CCDC158: variants seen among roughly 807,000 people sequenced by gnomAD.
The protein encoded by CCDC158 is coiled-coil domain-containing protein 158.
A neutral mutation model predicts 138.6 loss-of-function variants in CCDC158; 116 were observed. That is an observed-to-expected ratio of 0.84 (90% CI 0.72 to 0.98). The LOEUF (loss-of-function observed/expected upper bound fraction) is 0.98, where lower values mean the gene tolerates loss of function less well. CCDC158 is among the 50% of genes least tolerant of loss of function. The pLI is 0.00. For synonymous variants in CCDC158, 436 were observed against 442.4 expected (o/e 0.99, Z 0.18); for missense variants, 1,265 against 1,306.1 (o/e 0.97, Z 0.48).
chr4:76,328,273 A>G (rs972756215), intron 22 of CCDC158, among the ~76,000 whole-genome samples: 1 of 152,208 alleles, frequency 6.6e-6, no homozygotes, highest in Non-Finnish European at 1.5e-5. Context: ...AGCACCTGCT[A>G]TGTGCCAGGA....
rs1720439053 is a variant in CCDC158, at chr4:76,325,509, CTGAA to C, written c.3169+344_3169+347del. On this transcript the variant is annotated intron_variant, in intron 23 of 24. Transcript: ENST00000682701. ...GCACTTATACTCACTAAGGCAGAGA[CTGAA>C]TAAGAGCTATGATTTCAAAGAATGT... Among the ~76,000 whole-genome samples the C allele has an allele frequency of 2.0e-5, 3 of 152,074 alleles. No individual in the cohort carries two copies. The South Asian group carries it at 6.2e-4, about 32-fold the overall frequency.
At chr4:76,314,505 GAA>G (rs1560771228) in intron 24 of CCDC158, among the ~76,000 whole-genome samples, 1 of 152,072 alleles carries the variant, frequency 6.6e-6, no homozygotes, top group Non-Finnish European at 1.5e-5. Flanking sequence ...CAGATACTTT[GAA>G]AAAAGTGGCA....
At chr4:76,408,958 T>C (rs1027823150) in intron 2 of CCDC158, among the ~76,000 whole-genome samples, 17 of 152,230 alleles carry the variant, frequency 1.1e-4, no homozygotes, top group Admixed American at 3.3e-4. Context: ...TTTTTTCACG[T>C]GTCTTTTGGC....
At chr4:76,396,226 G>T in intron 4 of CCDC158, 43 bp downstream of exon 4, 2 of 1,399,376 alleles carry the variant, frequency 1.4e-6, no homozygotes, top group South Asian at 1.2e-5. Context: ...TCTCACTGTT[G>T]TCCCCCAAAT....
chr4:76,389,426 GA>G (rs1727109418), intron 4 of CCDC158, among the ~76,000 whole-genome samples: 1 of 151,670 alleles, frequency 6.6e-6, no homozygotes, highest in African/African-American at 2.4e-5. Context: ...GGAAACAAAA[GA>G]AAAAAGAAAA....
At position 76,332,431 on chromosome 4, in the gene CCDC158, C is replaced by T. The variant is rs149931907; in HGVS notation, c.2882+1G>A. 4.2e-5 allele frequency: 67 copies of T among 1,607,144 alleles called. No homozygotes were observed. The African/African-American group carries it at 6.7e-4, about 16-fold the overall frequency. Reference sequence around the variant, plus strand: ...GATTCAGAATCTCAGATTCTTCTTACCTATGGCACATGTCTGATCTCAGGC... The same window carrying T: ...GATTCAGAATCTCAGATTCTTCTTATCTATGGCACATGTCTGATCTCAGGC... On this transcript the variant is annotated splice_donor_variant, in intron 20 of 24. Coordinates refer to ENST00000682701, the MANE Select transcript of CCDC158 (RefSeq NM_001394954.1). LOFTEE classifies it high-confidence loss of function.
At chr4:76,407,090 G>C (rs1353975327) in intron 2 of CCDC158, 1 of 152,012 alleles carries the variant, frequency 6.6e-6, no homozygotes, top group East Asian at 1.9e-4. Flanking sequence ...GATGGGAAGA[G>C]GAAGATCATG....
At chr4:76,349,029 C>T (rs964954700) in intron 18 of CCDC158, among the ~76,000 whole-genome samples, 12 of 152,120 alleles carry the variant, frequency 7.9e-5, no homozygotes, top group African/African-American at 2.9e-4. Flanking sequence ...AACTGTTATA[C>T]ACCAAACCAA....
chr4:76,402,603 A>C (rs968235885), intron 3 of CCDC158, among the ~76,000 whole-genome samples: 2 of 143,724 alleles, frequency 1.4e-5, no homozygotes, highest in African/African-American at 5.0e-5. Flanking sequence ...TCCTTGTATT[A>C]AATTCCAACT....
At chr4:76,369,391 T>C (rs1334334568) in intron 11 of CCDC158, 35 bp downstream of exon 11, 3 of 1,598,452 alleles carry the variant, frequency 1.9e-6, no homozygotes, top group Non-Finnish European at 2.6e-6. Context: ...CAGAGGAGAT[T>C]GTTTGGCGAT....
intron 18 of CCDC158, among the ~76,000 whole-genome samples, chr4:76,349,177 A>G (rs1216090756): frequency 6.6e-6 from 1 of 152,240 alleles, no homozygotes; most frequent in African/African-American, 2.4e-5. Context: ...TATGAGATAA[A>G]TATTTATTGA....
In CCDC158 at chr4:76,325,956, G is replaced by C; in HGVS notation, c.3070C>G (p.Pro1024Ala). ...GAACTAGTTAGGAGTGAGTGCACTG[G>C]AGACTTCTTAGGAGAAGAATTGAAT... is the stretch of plus-strand genomic sequence containing the variant. Reference protein sequence around the residue: ...RSFNSSPKKSPVHSLLTSSVE... With the variant: ...RSFNSSPKKSAVHSLLTSSVE... The change falls in exon 23 of 25, where the codon CCA (proline) becomes GCA (alanine). Residue 1024 changes from proline to alanine, a missense_variant. Coordinates refer to ENST00000682701, the MANE Select transcript of CCDC158 (RefSeq NM_001394954.1). The C allele has an allele frequency of 6.2e-7, 1 of 1,613,594 alleles. No individual in the cohort carries two copies. The highest frequency in any genetic ancestry group is 8.5e-7 in the Non-Finnish European group (1 of 1,179,588).
In CCDC158 at chr4:76,385,663, T is replaced by G. The variant is rs76972026; in HGVS notation, c.289-998A>C. On this transcript the variant is annotated intron_variant, in intron 4 of 24. Coordinates refer to ENST00000682701, the MANE Select transcript of CCDC158 (RefSeq NM_001394954.1). Reference sequence around the variant, plus strand: ...GAAAATATGTTTCCAACAGGAACTTTGGAAAGACAGAACTGAAAAAACAGA... The same window carrying G: ...GAAAATATGTTTCCAACAGGAACTTGGGAAAGACAGAACTGAAAAAACAGA... 2.5e-3 allele frequency among the ~76,000 whole-genome samples: 378 copies of G among 152,172 alleles called. 1 individual carries two copies. The highest frequency in any genetic ancestry group is 8.7e-3 in the African/African-American group (361 of 41,520).
intron 11 of CCDC158, 113 bp from the exon 12 acceptor site, chr4:76,367,889 A>T: frequency 1.0e-6 from 1 of 978,590 alleles, no homozygotes. Context: ...AATGTTTAGT[A>T]AGATCTTTTT....
At chr4:76,388,251 C>T (rs9654174) in intron 4 of CCDC158, among the ~76,000 whole-genome samples, 2 of 152,034 alleles carry the variant, frequency 1.3e-5, no homozygotes, top group Non-Finnish European at 2.9e-5. Context: ...CAGCCACAGT[C>T]GGGTAGAGCA....
At chr4:76,389,615 T>A (rs1347519355) in intron 4 of CCDC158, among the ~76,000 whole-genome samples, 6 of 152,124 alleles carry the variant, frequency 3.9e-5, no homozygotes, top group African/African-American at 1.4e-4. Flanking sequence ...ACAAGAAGGT[T>A]ACAGAACATC....
At chr4:76,382,549 A>T in intron 8 of CCDC158, 61 bp downstream of exon 8, 1 of 1,033,916 alleles carries the variant, frequency 9.7e-7, no homozygotes, top group East Asian at 2.4e-5. Flanking sequence ...TAGAACAGAA[A>T]GTTAATGAGA....
In CCDC158 at chr4:76,384,142, T is replaced by A. The variant is rs755357457; in HGVS notation, c.672A>T (p.Lys224Asn). Residue 224 changes from lysine (K) to asparagine (N), a missense_variant, in exon 6 of 25, where the codon AAA (lysine) becomes AAT (asparagine). Transcript: ENST00000682701. ...HFRSLGSAIS[K>N]ILRELDTEIS... The stretch of plus-strand genomic sequence containing the variant: ...TCTCTGTGTCTAATTCTCTTAGTAT[T>A]TTACTAATAGCTGAGCCCAAGCTGC... The A allele has an allele frequency of 1.9e-5, 31 of 1,613,888 alleles. No individual in the cohort carries two copies. The highest frequency in any genetic ancestry group is 2.5e-5 in the Non-Finnish European group (30 of 1,179,898).
intron 18 of CCDC158, among the ~76,000 whole-genome samples, chr4:76,344,301 T>A (rs1381704293): frequency 6.6e-6 from 1 of 152,184 alleles, no homozygotes; most frequent in Non-Finnish European, 1.5e-5. Flanking sequence ...TAACAAGGGA[T>A]GTGAGGGACC....
Sources: gnomAD v4.1 joint callset for allele counts (sites outside exome capture counted in the v4.1 genomes callset) on GRCh38, gnomAD v4.1.1 for gene constraint, MANE v1.5 for transcripts, NCBI Gene and HGNC (gene_info 2026-07-23, HGNC 2026-07-21) for gene names.